The following BMP7 variants were observed in gnomAD, a reference collection of about 807,000 sequenced individuals.
The protein encoded by BMP7 is osteogenic protein 1.
Under a neutral mutation model 41.2 loss-of-function variants are expected in BMP7, and 12 were observed. The ratio of observed to expected loss-of-function variants is 0.29; its 90% CI spans 0.19 to 0.47. The LOEUF (loss-of-function observed/expected upper bound fraction) is 0.47, where lower values mean the gene tolerates loss of function less well. BMP7 is among the 20% of genes least tolerant of loss of function. The pLI is 0.99. For missense variants in BMP7, 467 were observed against 606.0 expected (o/e 0.77, Z 2.41); for synonymous variants, 248 against 250.0 (o/e 0.99, Z 0.07).
chr20:57,173,603 AC>A (rs1445840877), intron 5 of BMP7: 6 of 527,442 alleles, frequency 1.1e-5, no homozygotes, highest in Non-Finnish European at 2.1e-5. Context: ...ACACCACTGC[AC>A]CCCAGCCTGG....
At chr20:57,219,617 C>CT (rs754417819) in intron 2 of BMP7, among the ~76,000 whole-genome samples, 12 of 152,150 alleles carry the variant, frequency 7.9e-5, no homozygotes, top group Non-Finnish European at 1.3e-4. Context: ...AAGGTCACTA[C>CT]TGCGGAGGCT....
At chr20:57,254,349 C>CA (rs2066125900) in intron 1 of BMP7, among the ~76,000 whole-genome samples, 1 of 152,056 alleles carries the variant, frequency 6.6e-6, no homozygotes, top group South Asian at 2.1e-4. Context: ...TATTAAAAGA[C>CA]AGAAAACTTG....
chr20:57,177,536 C>T (rs1456232057), intron 4 of BMP7, among the ~76,000 whole-genome samples: 4 of 152,032 alleles, frequency 2.6e-5, no homozygotes, highest in Non-Finnish European at 4.4e-5. Context: ...TTAGTAGAGA[C>T]GGGGTTTCAC....
intron 4 of BMP7, among the ~76,000 whole-genome samples, chr20:57,183,112 G>A (rs1274881939): frequency 1.3e-5 from 2 of 152,104 alleles, no homozygotes; most frequent in African/African-American, 2.4e-5. Context: ...GTGCACACCT[G>A]TAGTCCCAGC....
intron 2 of BMP7, among the ~76,000 whole-genome samples, chr20:57,218,651 G>A (rs1163809097): frequency 6.6e-6 from 1 of 151,552 alleles, no homozygotes; most frequent in African/African-American, 2.4e-5. Context: ...GCTGGTGTTT[G>A]TTCGGTGGTA....
rs146712061 is a variant in BMP7, at chr20:57,243,214, G to C, written c.419-14793C>G. On this transcript the variant is annotated intron_variant, in intron 1 of 6. Coordinates refer to ENST00000395863, the MANE Select transcript of BMP7 (RefSeq NM_001719.3). ...GTTTTTCTTTAAAACTGTGGGATTG[G>C]TGGCTCACGCCCATAATCCCAGCAC... Among the ~76,000 whole-genome samples the C allele has an allele frequency of 2.6e-3, 395 of 152,270 alleles. 1 individual carries two copies. The highest frequency in any genetic ancestry group is 9.0e-3 in the African/African-American group (374 of 41,552).
At chr20:57,216,482 A>G (rs530519759) in intron 2 of BMP7, among the ~76,000 whole-genome samples, 20 of 131,614 alleles carry the variant, frequency 1.5e-4, no homozygotes, top group African/African-American at 3.2e-4. Context: ...GCACCTGAGG[A>G]CGAGGGCGCT....
chr20:57,217,379 T>C (rs1270502612), intron 2 of BMP7, among the ~76,000 whole-genome samples: 1 of 152,212 alleles, frequency 6.6e-6, no homozygotes, highest in African/African-American at 2.4e-5. Context: ...AAGGCTCTTA[T>C]AATCTCATTT....
chr20:57,251,298 C>T (rs971757333), intron 1 of BMP7, among the ~76,000 whole-genome samples: 6 of 152,146 alleles, frequency 3.9e-5, no homozygotes, highest in Admixed American at 6.5e-5. Context: ...CTGCCTGAGT[C>T]GGGGAGGTGG....
rs1983821624 is a variant in BMP7, at chr20:57,171,773, G to A, written c.1147-665C>T. Among the ~76,000 whole-genome samples the A allele has an allele frequency of 6.6e-6, 1 of 152,198 alleles. No homozygotes were observed. The highest frequency in any genetic ancestry group is 1.5e-5 in the Non-Finnish European group (1 of 68,034). On this transcript the variant is annotated intron_variant, in intron 6 of 6. Coordinates refer to ENST00000395863, the MANE Select transcript of BMP7 (RefSeq NM_001719.3). The surrounding 1 kb of genome is among the most constrained non-coding windows in gnomAD (Gnocchi z 4.5). ...GTAGGTGCCAGGCAAGAGCATCAGT[G>A]ACTGGCACTCTGTTCACAGCCTCCA...
chr20:57,173,390 C>A, intron 5 of BMP7, 80 bp from the exon 6 acceptor site: 1 of 1,385,362 alleles, frequency 7.2e-7, no homozygotes, highest in Non-Finnish European at 1.0e-6. Flanking sequence ...GGCCAGAAAC[C>A]ACCACGCCAG....
intron 3 of BMP7, among the ~76,000 whole-genome samples, chr20:57,197,058 C>T (rs750922831): frequency 5.9e-5 from 9 of 152,044 alleles, no homozygotes; most frequent in Non-Finnish European, 1.0e-4. Context: ...CACACCACCA[C>T]ACCTGGCTAA....
intron 1 of BMP7, among the ~76,000 whole-genome samples, chr20:57,263,819 CA>C (rs2066162879): frequency 6.6e-6 from 1 of 151,496 alleles, no homozygotes; most frequent in South Asian, 2.1e-4. Context: ...TTAAAAAAAT[CA>C]CAAATACAGA....
chr20:57,230,409 C>T (rs2066024723), intron 1 of BMP7, among the ~76,000 whole-genome samples: 1 of 152,018 alleles, frequency 6.6e-6, no homozygotes, highest in Admixed American at 6.5e-5. Context: ...GGGACTGCCC[C>T]CGGCCAGTCC....
chr20:57,207,637 C>T (rs1212158350), intron 2 of BMP7, among the ~76,000 whole-genome samples: 2 of 152,182 alleles, frequency 1.3e-5, no homozygotes, highest in East Asian at 3.8e-4. Flanking sequence ...TATAAATCTA[C>T]ACTTGTTGAC....
In BMP7 at chr20:57,174,894, G is replaced by C; in HGVS notation, c.1035+37C>G. The C allele has an allele frequency of 6.3e-7, 1 of 1,596,884 alleles. No individual in the cohort carries two copies. On this transcript the variant is annotated intron_variant, in intron 5 of 6. Transcript: ENST00000395863. This position sits in a 1 kb window ranked among gnomAD's most constrained non-coding sequence, Gnocchi z 4.3. ...CTGCCTCGTGGGAGCCCACGCCAGA[G>C]GGCCCACACCCAAGACAGACCCAGC... is the stretch of plus-strand genomic sequence containing the variant.
chr20:57,250,911 A>G (rs1422428569), intron 1 of BMP7, among the ~76,000 whole-genome samples: 3 of 152,178 alleles, frequency 2.0e-5, no homozygotes, highest in Non-Finnish European at 4.4e-5. Context: ...CAAGCCTCCC[A>G]TTTCAGCTGA....
intron 3 of BMP7, among the ~76,000 whole-genome samples, chr20:57,186,098 C>T (rs1984204768): frequency 6.6e-6 from 1 of 152,214 alleles, no homozygotes; most frequent in African/African-American, 2.4e-5. Context: ...GTAATGTAAG[C>T]TTGGGTGTCC....
chr20:57,188,569 C>T (rs1230801627), intron 3 of BMP7, among the ~76,000 whole-genome samples: 1 of 150,116 alleles, frequency 6.7e-6, no homozygotes, highest in African/African-American at 2.5e-5. Flanking sequence ...AAAAAATCAC[C>T]AAATTGCACT....
Sources: allele counts gnomAD v4.1 joint callset (sites outside exome capture counted in the v4.1 genomes callset), GRCh38; gene constraint gnomAD v4.1.1; non-coding constraint Gnocchi (gnomAD v3.1); transcripts MANE v1.5; gene names NCBI Gene and HGNC (gene_info 2026-07-23, HGNC 2026-07-21).